The following DEFB123 variants were observed in gnomAD, a reference collection of about 807,000 sequenced individuals.
DEFB123 encodes defensin beta 123, also known as beta-defensin 123.
For synonymous variants in DEFB123, 22 were observed against 28.3 expected, an observed-to-expected ratio of 0.78 and a Z score of 0.71; for missense variants, 71 against 75.0, an observed-to-expected ratio of 0.95 and a Z score of 0.20.
intron 1 of DEFB123, among the ~76,000 whole-genome samples, chr20:31,449,033 T>A (rs1288651848): frequency 1.3e-5 from 2 of 152,042 alleles, no homozygotes; most frequent in Non-Finnish European, 2.9e-5. Context: ...CGGCCATGAA[T>A]ATTTTTTACA....
intron 1 of DEFB123, among the ~76,000 whole-genome samples, chr20:31,446,146 G>A (rs1303757983): frequency 1.3e-5 from 2 of 152,164 alleles, no homozygotes; most frequent in Non-Finnish European, 2.9e-5. Context: ...GGGGGCGCAG[G>A]AGGAGTCACC....
At chr20:31,446,160 C>T (rs1334828306) in intron 1 of DEFB123, among the ~76,000 whole-genome samples, 1 of 152,054 alleles carries the variant, frequency 6.6e-6, no homozygotes, top group South Asian at 2.1e-4. Context: ...AGTCACCAAA[C>T]GAAGAAACAA....
intron 1 of DEFB123, 134 bp downstream of exon 1, chr20:31,440,890 C>T: frequency 1.1e-6 from 1 of 947,960 alleles, no homozygotes; most frequent in Non-Finnish European, 1.6e-6. Flanking sequence ...GCCTCACCAG[C>T]AGCAGGTGCC....
chr20:31,450,238 C>T lies in DEFB123; in HGVS notation c.*64C>T. The T allele has an allele frequency of 6.6e-7, 1 of 1,525,204 alleles. No individual in the cohort carries two copies. Among genetic ancestry groups the T allele is most frequent in the Non-Finnish European group, 8.8e-7 (1 of 1,141,540 alleles). The allele number at this position is 1,525,204 out of a possible 1,614,324, so 94.5% of individuals were successfully genotyped here. The stretch of plus-strand genomic sequence containing the variant: ...CTCCCAGTGGATTCCCACACTCTAT[C>T]AATAAACACCTCTGGCTGATCCCTG... On this transcript the variant is annotated 3_prime_UTR_variant, in exon 2 of 2. Coordinates refer to ENST00000376309, the MANE Select transcript of DEFB123 (RefSeq NM_153324.4).
Position 31,440,747 on chromosome 20 carries a change from C to G in DEFB123, c.49C>G (p.Leu17Val). 1 of 1,613,586 alleles carries G rather than the reference C, an allele frequency of 6.2e-7. No homozygotes were observed. The highest frequency in any genetic ancestry group is 8.5e-7 in the Non-Finnish European group (1 of 1,180,034). Residue 17 changes from leucine (L) to valine (V), a missense_variant, in exon 1 of 2, where the codon CTG becomes GTG. Transcript: ENST00000376309. The part of the protein sequence containing the change: ...TLTVLLLLSQ[L>V]TPGGTQRCWN... Reference sequence around the variant, plus strand: ...GACTGTGCTGCTGCTCTTATCCCAGCTGACTCCAGGTAACCTGAACCTCCT... The same window carrying G: ...GACTGTGCTGCTGCTCTTATCCCAGGTGACTCCAGGTAACCTGAACCTCCT...
intron 1 of DEFB123, among the ~76,000 whole-genome samples, chr20:31,446,500 G>A (rs1365671089): frequency 5.3e-5 from 8 of 152,180 alleles, no homozygotes; most frequent in African/African-American, 1.9e-4. Flanking sequence ...CAAAGTTTCC[G>A]AGAGTTGTGA....
chr20:31,446,517 A>T (rs1164178817), intron 1 of DEFB123, among the ~76,000 whole-genome samples: 2 of 152,206 alleles, frequency 1.3e-5, no homozygotes, highest in African/African-American at 4.8e-5. Context: ...GTGATTAGAG[A>T]AAAGAGGGTT....
intron 1 of DEFB123, 142 bp downstream of exon 1, chr20:31,440,898 G>A: frequency 1.1e-6 from 1 of 916,640 alleles, no homozygotes; most frequent in East Asian, 2.4e-5. Flanking sequence ...AGCAGCAGGT[G>A]CCAGCTGATA....
chr20:31,442,563 T>C (rs1483444177), intron 1 of DEFB123, among the ~76,000 whole-genome samples: 1 of 149,926 alleles, frequency 6.7e-6, no homozygotes, highest in African/African-American at 2.5e-5. Context: ...GGAAAGGAAA[T>C]AGTGAACACC....
chr20:31,441,551 G>C (rs734653), intron 1 of DEFB123, among the ~76,000 whole-genome samples: 34,862 of 151,904 alleles, frequency 0.23, 4,760 homozygotes, highest in African/African-American at 0.36. Context: ...GGTCTCAGTG[G>C]GCCTCAAATG....
In DEFB123 at chr20:31,450,067, C is replaced by T. The variant is rs537462313; in HGVS notation, c.97C>T (p.Arg33Cys). ...QRCWNLYGKC[R>C]YRCSKKERVY... ...ATGCTGGAATCTTTATGGCAAATGC[C>T]GTTACAGATGCTCCAAGAAGGAAAG... The change falls in exon 2 of 2, where the codon CGT (arginine) becomes TGT (cysteine). Residue 33 changes from arginine (R) to cysteine (C), a missense_variant. Transcript: ENST00000376309. 4.3e-6 allele frequency: 7 copies of T among 1,611,466 alleles called. No individual in the cohort carries two copies. Among genetic ancestry groups the T allele is most frequent in the East Asian group, 2.2e-5 (1 of 44,610 alleles).
chr20:31,441,857 CCAA>C (rs1485053695), intron 1 of DEFB123, among the ~76,000 whole-genome samples: 1 of 152,162 alleles, frequency 6.6e-6, no homozygotes, highest in Non-Finnish European at 1.5e-5. Flanking sequence ...TCTGTGAGCC[CCAA>C]CAAGAAGCTC....
intron 1 of DEFB123, among the ~76,000 whole-genome samples, chr20:31,445,836 C>T (rs1229734129): frequency 2.0e-5 from 3 of 152,126 alleles, no homozygotes; most frequent in East Asian, 1.9e-4. Flanking sequence ...CCACCGCACC[C>T]GGCCGACGAA....
At chr20:31,444,176 T>C (rs1426692497) in intron 1 of DEFB123, among the ~76,000 whole-genome samples, 2 of 152,150 alleles carry the variant, frequency 1.3e-5, no homozygotes, top group African/African-American at 4.8e-5. Context: ...CACTTCAATA[T>C]TTTCAAAATA....
At chr20:31,449,154 C>A (rs945716531) in intron 1 of DEFB123, among the ~76,000 whole-genome samples, 1 of 151,614 alleles carries the variant, frequency 6.6e-6, no homozygotes, top group Non-Finnish European at 1.5e-5. Flanking sequence ...TCATCATTGT[C>A]ATTTCTGTGT....
Position 31,440,733 on chromosome 20 carries a change from T to C in DEFB123, c.35T>C (p.Leu12Pro). 1.9e-6 allele frequency: 3 copies of C among 1,613,790 alleles called. No homozygotes were observed. The highest frequency in any genetic ancestry group is 2.5e-6 in the Non-Finnish European group (3 of 1,180,024). Residue 12 changes from leucine to proline, a missense_variant, in exon 1 of 2, where the codon CTG becomes CCG. By Grantham distance (98) the Leu-to-Pro change is moderately conservative (BLOSUM62 -3). Transcript: ENST00000376309. ...CTTTTGCTGACTTTGACTGTGCTGC[T>C]GCTCTTATCCCAGCTGACTCCAGGT... The part of the protein sequence containing the change: ...KLLLLTLTVL[L>P]LLSQLTPGGT...
chr20:31,448,195 G>A (rs1487619958), intron 1 of DEFB123, among the ~76,000 whole-genome samples: 1 of 152,012 alleles, frequency 6.6e-6, no homozygotes, highest in African/African-American at 2.4e-5. Context: ...GATTTCAAGT[G>A]TGAGCCACCA....
chr20:31,445,317 T>C (rs1238622538), intron 1 of DEFB123, among the ~76,000 whole-genome samples: 1 of 152,234 alleles, frequency 6.6e-6, no homozygotes, highest in African/African-American at 2.4e-5. Context: ...CTAGATCCAT[T>C]AATTTTTTGG....
rs142021847 is a variant in DEFB123 at position 31,450,130 on chromosome 20, G to A, written c.160G>A (p.Val54Met). 195 of 1,611,694 alleles carry A rather than the reference G, an allele frequency of 1.2e-4. 1 individual carries two copies. Among genetic ancestry groups the A allele is most frequent in the Middle Eastern group, 3.3e-4 (2 of 6,072 alleles). ...CTGCATAAATAATAAAATGTGCTGCGTGAAGCCCAAGTACCAGCCAAAAGA... is the reference window on the plus strand; with the variant it reads ...CTGCATAAATAATAAAATGTGCTGCATGAAGCCCAAGTACCAGCCAAAAGA... ...VYCINNKMCC[V>M]KPKYQPKERW... Residue 54 changes from valine (V) to methionine (M), a missense_variant, in exon 2 of 2, where the codon GTG (valine) becomes ATG (methionine). Physicochemically the swap from Val to Met is conservative, Grantham distance 21. Transcript: ENST00000376309.
Sources: allele counts gnomAD v4.1 joint callset (sites outside exome capture counted in the v4.1 genomes callset), GRCh38; gene constraint gnomAD v4.1.1; transcripts MANE v1.5; gene names NCBI Gene and HGNC (gene_info 2026-07-23, HGNC 2026-07-21).